DOCK9: variants seen among roughly 807,000 people sequenced by gnomAD.
DOCK9 encodes the protein dedicator of cytokinesis protein 9.
DOCK9 carries 89 observed loss-of-function variants against 263.3 expected under a neutral mutation model. The ratio of observed to expected loss-of-function variants is 0.34; its 90% CI spans 0.28 to 0.40. The LOEUF is 0.40. Among genes scored for constraint, DOCK9 ranks in the 10% least tolerant of loss-of-function variants. The pLI is 1.00. For missense variants in DOCK9, 2,140 were observed against 2,603.4 expected, an observed-to-expected ratio of 0.82 and a Z score of 3.87; for synonymous variants, 976 against 973.1, an observed-to-expected ratio of 1.00 and a Z score of -0.06.
intron 2 of DOCK9, among the ~76,000 whole-genome samples, chr13:98,947,810 A>G (rs1220613573): frequency 1.3e-5 from 2 of 152,108 alleles, no homozygotes; most frequent in Non-Finnish European, 2.9e-5. Context: ...CCGGCCCAGA[A>G]ATATAATTTA....
intron 1 of DOCK9, among the ~76,000 whole-genome samples, chr13:99,020,190 A>G (rs546896361): frequency 5.9e-5 from 9 of 152,370 alleles, no homozygotes; most frequent in Admixed American, 2.0e-4. Flanking sequence ...ATAAGGTAAC[A>G]GGAGAGAACT....
chr13:98,942,650 T>C (rs2056135299), intron 2 of DOCK9, among the ~76,000 whole-genome samples: 1 of 152,232 alleles, frequency 6.6e-6, no homozygotes, highest in African/African-American at 2.4e-5. Context: ...CAGTTACGTG[T>C]TGCATAACGC....
At chr13:98,899,536 T>TC (rs1486481461) in intron 13 of DOCK9, among the ~76,000 whole-genome samples, 6 of 152,084 alleles carry the variant, frequency 3.9e-5, no homozygotes, top group Non-Finnish European at 8.8e-5. Context: ...ATCTAGGACC[T>TC]CCCCCCTTCT....
intron 1 of DOCK9, among the ~76,000 whole-genome samples, chr13:99,076,114 T>C (rs1566395921): frequency 2.0e-5 from 3 of 152,044 alleles, no homozygotes; most frequent in African/African-American, 4.8e-5. Flanking sequence ...AGTAAAAGTA[T>C]AAAATAAGAT....
At chr13:99,008,237 T>TTTTC (rs1567201435) in intron 1 of DOCK9, among the ~76,000 whole-genome samples, 38 of 128,298 alleles carry the variant, frequency 3.0e-4, no homozygotes, top group African/African-American at 1.2e-3. Context: ...TATATATATT[T>TTTTC]TTTTTTTTTT....
At chr13:99,036,656 C>T (rs1187031885) in intron 1 of DOCK9, among the ~76,000 whole-genome samples, 1 of 152,182 alleles carries the variant, frequency 6.6e-6, no homozygotes, top group Admixed American at 6.5e-5. Context: ...ATTCTCCTGC[C>T]TCAGCCTCCC....
At chr13:98,912,638 TC>T (rs1399037383) in intron 9 of DOCK9, among the ~76,000 whole-genome samples, 1 of 151,996 alleles carries the variant, frequency 6.6e-6, no homozygotes, top group East Asian at 1.9e-4. Flanking sequence ...TTAAAAAATC[TC>T]CCTAGGTCTT....
Position 98,810,050 on chromosome 13 carries a change from G to C in DOCK9, c.5253+119C>G, listed in dbSNP as rs1333343465. 12 of 1,390,590 alleles carry C rather than the reference G, an allele frequency of 8.6e-6. No homozygotes were observed. The African/African-American group carries it at 1.1e-4, about 13-fold the overall frequency. 86.1% of individuals were successfully genotyped at this position (1,390,590 alleles called of 1,614,324 possible). ...ACCTTCAGCGTAACGTGGAGGGTCA[G>C]AGACCCCCACTCATCTCTGGCCCAT... On this transcript the variant is annotated intron_variant, in intron 46 of 52. Coordinates refer to ENST00000682017, the MANE Select transcript of DOCK9 (RefSeq NM_001366683.2).
chr13:98,797,026 A>G, intron 52 of DOCK9, 89 bp downstream of exon 52: 1 of 1,384,872 alleles, frequency 7.2e-7, no homozygotes, highest in Non-Finnish European at 1.0e-6. Context: ...ACAGTTCTGG[A>G]AGGATATCAG....
chr13:98,962,605 A>G (rs2058755421), intron 1 of DOCK9, among the ~76,000 whole-genome samples: 1 of 151,884 alleles, frequency 6.6e-6, no homozygotes, highest in South Asian at 2.1e-4. Flanking sequence ...AGCTATTCAT[A>G]TTATTAAATA....
intron 1 of DOCK9, among the ~76,000 whole-genome samples, chr13:99,077,897 G>C (rs1351336281): frequency 2.6e-5 from 4 of 152,182 alleles, no homozygotes; most frequent in African/African-American, 9.7e-5. Context: ...TCTGTTCTAA[G>C]CCACTGAGAT....
chr13:98,951,539 C>T (rs1176556174), intron 2 of DOCK9, among the ~76,000 whole-genome samples: 3 of 152,142 alleles, frequency 2.0e-5, no homozygotes, highest in South Asian at 4.1e-4. Flanking sequence ...GGGATGCCTG[C>T]GTGCAAGAAG....
intron 2 of DOCK9, chr13:98,950,102 T>C (rs1181166095): frequency 3.2e-5 from 16 of 500,358 alleles, no homozygotes; most frequent in Non-Finnish European, 5.8e-5. Context: ...AAGATACCAC[T>C]GAAAATTTTC....
chr13:98,894,926 T>C (rs79164790), intron 15 of DOCK9, among the ~76,000 whole-genome samples: 1 of 123,342 alleles, frequency 8.1e-6, no homozygotes, highest in African/African-American at 3.1e-5. Context: ...CTGGGCAAGA[T>C]GGTGAGATAT....
chr13:99,072,244 G>C (rs772711894), intron 1 of DOCK9, among the ~76,000 whole-genome samples: 14 of 152,048 alleles, frequency 9.2e-5, no homozygotes, highest in Non-Finnish European at 1.8e-4. Flanking sequence ...GTTCTATTTG[G>C]GTTGTCTTCC....
chr13:98,973,573 C>A (rs552105000), intron 1 of DOCK9, among the ~76,000 whole-genome samples: 2 of 152,238 alleles, frequency 1.3e-5, no homozygotes, highest in East Asian at 3.9e-4. Context: ...AAAATATGAG[C>A]CACCCAAAAG....
At chr13:98,842,242 C>T (rs952550277) in intron 38 of DOCK9, among the ~76,000 whole-genome samples, 2 of 152,196 alleles carry the variant, frequency 1.3e-5, no homozygotes, top group African/African-American at 2.4e-5. Flanking sequence ...CTGGACAATA[C>T]CCCAGCTGGG....
At chr13:98,932,435 A>AAAC (rs2054119329) in intron 2 of DOCK9, among the ~76,000 whole-genome samples, 2 of 145,746 alleles carry the variant, frequency 1.4e-5, no homozygotes, top group South Asian at 4.5e-4. Context: ...AACAAACAAA[A>AAAC]AAACAGATCA....
At chr13:98,901,469 G>C (rs1363061688) in intron 13 of DOCK9, among the ~76,000 whole-genome samples, 1 of 152,118 alleles carries the variant, frequency 6.6e-6, no homozygotes, top group Non-Finnish European at 1.5e-5. Context: ...ACAGATAGAA[G>C]AAACTCTATT....
Sources: gnomAD v4.1 joint callset for allele counts (sites outside exome capture counted in the v4.1 genomes callset) on GRCh38, gnomAD v4.1.1 for gene constraint, MANE v1.5 for transcripts, NCBI Gene and HGNC (gene_info 2026-07-23, HGNC 2026-07-21) for gene names.